RASA3: variants seen among roughly 807,000 people sequenced by gnomAD.
RASA3 encodes the protein ras GTPase-activating protein 3.
RASA3 carries 73 observed loss-of-function variants against 110.0 expected under a neutral mutation model. The ratio of observed to expected loss-of-function variants is 0.66; its 90% confidence interval spans 0.55 to 0.81. RASA3 has a LOEUF of 0.81. Ranked by LOEUF, RASA3 falls within the 30% of genes least tolerant of loss-of-function variation. The pLI, the probability that RASA3 is intolerant of heterozygous loss-of-function variation, is 0.00. For synonymous variants in RASA3, 500 were observed against 451.4 expected (o/e 1.11, Z -1.37); for missense variants, 976 against 1,113.2 (o/e 0.88, Z 1.75).
chr13:114,125,819 G>A (rs971454270), intron 1 of RASA3, among the ~76,000 whole-genome samples: 10 of 152,198 alleles, frequency 6.6e-5, no homozygotes, highest in South Asian at 6.2e-4. Flanking sequence ...GACGAGACGC[G>A]CTCAGTGAGC....
At chr13:114,030,253 C>T (rs907783362) in intron 4 of RASA3, among the ~76,000 whole-genome samples, 4 of 152,226 alleles carry the variant, frequency 2.6e-5, no homozygotes, top group African/African-American at 9.7e-5. Flanking sequence ...CGGGACAAAC[C>T]AGAGGGGAAG....
At chr13:114,004,905 T>A (rs1594304624) in intron 18 of RASA3, among the ~76,000 whole-genome samples, 1 of 152,276 alleles carries the variant, frequency 6.6e-6, no homozygotes. Flanking sequence ...AAAGAAAACG[T>A]GGCATAAATA....
At chr13:113,988,997 C>A (rs542607934) in intron 22 of RASA3, among the ~76,000 whole-genome samples, 1 of 149,232 alleles carries the variant, frequency 6.7e-6, no homozygotes, top group Non-Finnish European at 1.5e-5. Flanking sequence ...ACTCACCCAT[C>A]GGCCCATCCA....
intron 1 of RASA3, among the ~76,000 whole-genome samples, chr13:114,094,985 T>G (rs1449428144): frequency 1.3e-5 from 2 of 152,238 alleles, no homozygotes; most frequent in African/African-American, 4.8e-5. Context: ...CCATGCAGTA[T>G]GTACTTCATC....
chr13:114,019,787 C>T (rs908810851), intron 9 of RASA3, among the ~76,000 whole-genome samples: 2 of 137,992 alleles, frequency 1.4e-5, no homozygotes, highest in Non-Finnish European at 3.1e-5. Context: ...GGCATTAGCC[C>T]CCCTCAGGTG....
intron 3 of RASA3, among the ~76,000 whole-genome samples, chr13:114,051,156 CT>C (rs2079140100): frequency 6.6e-6 from 1 of 152,200 alleles, no homozygotes; most frequent in Non-Finnish European, 1.5e-5. Context: ...GGGGGTCCCC[CT>C]GGGGGACTCC....
intron 7 of RASA3, 67 bp from the exon 8 acceptor site, chr13:114,024,422 A>C (rs1214118241): frequency 6.9e-7 from 1 of 1,453,204 alleles, no homozygotes; most frequent in African/African-American, 1.4e-5. Flanking sequence ...ATGCGGACCT[A>C]GGCCCCGGGC....
rs955827310 is a variant in RASA3, at chr13:114,028,034, G to A, written c.450-107C>T. On this transcript the variant is annotated intron_variant, in intron 5 of 23. Coordinates refer to ENST00000334062, the MANE Select transcript of RASA3 (RefSeq NM_007368.4). ...GGCCTGAGTTCAAGCTGTGAGATGA[G>A]GTTTCCTCACCGGAAGGCAGGGAGG... is the stretch of plus-strand genomic sequence containing the variant. 11 of 916,966 alleles carry A rather than the reference G, an allele frequency of 1.2e-5. No individual in the cohort carries two copies. In the African/African-American group the frequency reaches 1.7e-4, roughly 14 times the overall value. 56.8% of individuals were successfully genotyped at this position (916,966 alleles called of 1,614,324 possible).
At chr13:114,038,210 C>T (rs2054318120) in intron 4 of RASA3, among the ~76,000 whole-genome samples, 2 of 152,324 alleles carry the variant, frequency 1.3e-5, no homozygotes, top group Middle Eastern at 6.8e-3. Context: ...CCAGCGACGG[C>T]GGGTATCCCA....
intron 2 of RASA3, among the ~76,000 whole-genome samples, chr13:114,064,323 G>T (rs1011915021): frequency 1.3e-5 from 2 of 152,184 alleles, no homozygotes; most frequent in African/African-American, 4.8e-5. Context: ...TGAGCACCCG[G>T]CAGGAAGTGG....
Position 114,132,448 on chromosome 13 carries a change from C to T in RASA3, c.42G>A (p.Val14=). Residue 14 remains valine (V), a synonymous_variant, in exon 1 of 24, where the codon GTG becomes GTA. Coordinates refer to ENST00000334062, the MANE Select transcript of RASA3 (RefSeq NM_007368.4). ...GCGGACACTCACCGATCTTGATCTT[C>T]ACGCTCTGGAAGACCCGGAGCCCCT... ...EDEGLRVFQS[V]KIKIGEAKNL... The T allele has an allele frequency of 6.5e-7, 1 of 1,528,566 alleles. No homozygotes were observed. The highest frequency in any genetic ancestry group is 2.0e-5 in the Admixed American group (1 of 50,436). 94.7% of individuals were successfully genotyped at this position (1,528,566 alleles called of 1,614,324 possible).
rs1161896261 is a variant in RASA3, at chr13:113,978,545, G to C, written c.*802C>G. ...TTTAAAATCTTCAAACTTCCACGGG[G>C]GGTGGCAAATGTTAATTCTGATTTT... is the stretch of plus-strand genomic sequence containing the variant. On this transcript the variant is annotated 3_prime_UTR_variant, in exon 24 of 24. Transcript: ENST00000334062. 6.6e-6 allele frequency: 1 copy of C among 152,170 alleles called. No homozygotes were observed. The highest frequency in any genetic ancestry group is 2.4e-5 in the African/African-American group (1 of 41,428). 9.4% of individuals were successfully genotyped at this position (152,170 alleles called of 1,614,324 possible).
rs760043777 is a variant in RASA3, at chr13:114,052,145, C to T, written c.184G>A (p.Gly62Arg). The change falls in exon 3 of 24, where the codon GGA becomes AGA. Residue 62 changes from glycine (G) to arginine (R), a missense_variant. Gly to Arg is a moderately radical substitution (Grantham distance 125, BLOSUM62 -2). Transcript: ENST00000334062. ...GGAATTTCACAGTAAAAGTCTTCTC[C>T]GTAAAACGGGCTAGTGAGACAAAGA... ...IVEKSLCPFY[G>R]EDFYCEIPRS... is the part of the protein sequence containing the mutation. 6.8e-6 allele frequency: 11 copies of T among 1,612,018 alleles called. No homozygotes were observed. Among genetic ancestry groups the T allele is most frequent in the East Asian group, 2.2e-5 (1 of 44,868 alleles).
intron 7 of RASA3, among the ~76,000 whole-genome samples, chr13:114,024,783 T>C (rs184613819): frequency 2.6e-5 from 4 of 152,242 alleles, no homozygotes; most frequent in Non-Finnish European, 5.9e-5. Context: ...CAACAGGAAG[T>C]GAAACGCGTG....
Position 113,981,853 on chromosome 13 carries a change from AG to A in RASA3, c.2250del (p.Cys751ValfsTer30). 1 of 1,613,508 alleles carries A rather than the reference AG, an allele frequency of 6.2e-7. No individual in the cohort carries two copies. Among genetic ancestry groups the A allele is most frequent in the Non-Finnish European group, 8.5e-7 (1 of 1,179,824 alleles). On this transcript the variant is annotated frameshift_variant, in exon 23 of 24. Coordinates refer to ENST00000334062, the MANE Select transcript of RASA3 (RefSeq NM_007368.4). LOFTEE classifies it high-confidence loss of function. ...CCGTCATACACAGATTTGCTCCCACAGGCCTCTGTGGAGGGCGGAGGGGTCA... is the reference window on the plus strand; with the variant it reads ...CCGTCATACACAGATTTGCTCCCACAGCCTCTGTGGAGGGCGGAGGGGTCA... ...YMSKLEKMQE[A>X]CGSKSVYDGP...
rs2139057513 is a variant in RASA3, at chr13:113,984,654, T to C, written c.2246-2796A>G. On this transcript the variant is annotated intron_variant, in intron 22 of 23. Coordinates refer to ENST00000334062, the MANE Select transcript of RASA3 (RefSeq NM_007368.4). ...CACCCATCCATCCATCCACCATCAC[T>C]CACCCATCCTTCCATCCACCCATCA... 2.5e-5 allele frequency among the ~76,000 whole-genome samples: 2 copies of C among 81,110 alleles called. 1 individual carries two copies. Among genetic ancestry groups the C allele is most frequent in the East Asian group, 9.2e-4 (2 of 2,180 alleles). 53.2% of individuals were successfully genotyped at this position (81,110 alleles called of 152,430 possible). A position where few individuals can be genotyped will look rare whatever the true frequency, so the allele number is the denominator to read the frequency against.
chr13:114,040,929 G>C lies in RASA3; in HGVS notation c.372+71C>G, dbSNP rs896107736. 4.2e-6 allele frequency: 6 copies of C among 1,435,610 alleles called. No individual in the cohort carries two copies. The African/African-American group carries it at 8.4e-5, about 20-fold the overall frequency. The allele number at this position is 1,435,610 out of a possible 1,614,324, so 88.9% of individuals were successfully genotyped here. The stretch of plus-strand genomic sequence containing the variant: ...CGATCTACGTCTTTAGCCACAGTCG[G>C]AGCCGGGCCCGTCTCGAAGCCCCAT... On this transcript the variant is annotated intron_variant, in intron 4 of 23. Transcript: ENST00000334062.
In RASA3 at chr13:114,052,083, A is replaced by G; in HGVS notation, c.246T>C (p.Asp82=). ...TGGAATCCCTCCGGAAAACGTCTCTATCGAAAATGTAGAAGGACAGGTGAC... is the reference window on the plus strand; with the variant it reads ...TGGAATCCCTCCGGAAAACGTCTCTGTCGAAAATGTAGAAGGACAGGTGAC... ...SFRHLSFYIF[D]RDVFRRDSII... Residue 82 remains aspartate (D), a synonymous_variant, in exon 3 of 24, where the codon GAT becomes GAC. Transcript: ENST00000334062. The G allele has an allele frequency of 6.2e-7, 1 of 1,612,374 alleles. No homozygotes were observed. The highest frequency in any genetic ancestry group is 8.5e-7 in the Non-Finnish European group (1 of 1,178,732).
intron 19 of RASA3, among the ~76,000 whole-genome samples, chr13:114,000,378 G>A (rs2053366277): frequency 6.6e-6 from 1 of 152,158 alleles, no homozygotes; most frequent in African/African-American, 2.4e-5. Context: ...TCTGTCCCCA[G>A]AACATGTTCC....
Sources: allele counts gnomAD v4.1 joint callset (sites outside exome capture counted in the v4.1 genomes callset), GRCh38; gene constraint gnomAD v4.1.1; transcripts MANE v1.5; gene names NCBI Gene and HGNC (gene_info 2026-07-23, HGNC 2026-07-21).